The following MACROD2 variants were observed in gnomAD, a reference collection of about 807,000 sequenced individuals.
MACROD2 encodes ADP-ribose glycohydrolase MACROD2.
Under a neutral mutation model 70.4 loss-of-function variants are expected in MACROD2, and 36 were observed. That is an observed-to-expected ratio of 0.51 (90% CI 0.39 to 0.68). MACROD2 has a LOEUF of 0.68. Among genes scored for constraint, MACROD2 ranks in the 30% least tolerant of loss-of-function variants. The pLI, the probability that MACROD2 is intolerant of heterozygous loss-of-function variation, is 0.00. For missense variants in MACROD2, 496 were observed against 538.4 expected (o/e 0.92, Z 0.78); for synonymous variants, 172 against 178.8 (o/e 0.96, Z 0.30).
Position 15,174,046 on chromosome 20 carries a change from A to G in MACROD2, c.419-55894A>G, listed in dbSNP as rs2145892036. On this transcript the variant is annotated intron_variant, in intron 5 of 17. Coordinates refer to ENST00000684519, the MANE Select transcript of MACROD2 (RefSeq NM_001351661.2). ...CAGCATAATTTATCACTGAAAACTT[A>G]CTTCATTGCTAAAGCCCAAACATAT... Among the ~76,000 whole-genome samples the G allele has an allele frequency of 1.3e-5, 2 of 152,342 alleles. 1 individual carries two copies. The highest frequency in any genetic ancestry group is 4.1e-4 in the South Asian group (2 of 4,832).
At chr20:15,782,191 GAGAC>G (rs1280353677) in intron 8 of MACROD2, among the ~76,000 whole-genome samples, 1 of 152,066 alleles carries the variant, frequency 6.6e-6, no homozygotes, top group Non-Finnish European at 1.5e-5. Flanking sequence ...AAGATTAAAT[GAGAC>G]AGGACATAGA....
intron 3 of MACROD2, among the ~76,000 whole-genome samples, chr20:14,369,076 A>T (rs956280562): frequency 1.3e-5 from 2 of 151,522 alleles, no homozygotes; most frequent in Non-Finnish European, 2.9e-5. Flanking sequence ...TCCCAAGGAA[A>T]CTCTTTAGTT....
chr20:15,759,767 C>A (rs2051407461), intron 8 of MACROD2, among the ~76,000 whole-genome samples: 1 of 152,174 alleles, frequency 6.6e-6, no homozygotes, highest in East Asian at 1.9e-4. Flanking sequence ...GTTTTAATAA[C>A]TGTTTTATGT....
intron 6 of MACROD2, among the ~76,000 whole-genome samples, chr20:15,317,532 T>C (rs2077826363): frequency 6.6e-6 from 1 of 151,846 alleles, no homozygotes; most frequent in South Asian, 2.1e-4. Flanking sequence ...TATCTGTCTA[T>C]CTATCTCTAT....
intron 8 of MACROD2, among the ~76,000 whole-genome samples, chr20:15,574,601 A>C (rs1168146214): frequency 6.6e-6 from 1 of 152,070 alleles, no homozygotes; most frequent in Non-Finnish European, 1.5e-5. Context: ...TCCTGGTTTA[A>C]ATTTCTATCA....
At chr20:15,096,106 T>C (rs1489435998) in intron 5 of MACROD2, among the ~76,000 whole-genome samples, 1 of 152,058 alleles carries the variant, frequency 6.6e-6, no homozygotes, top group Non-Finnish European at 1.5e-5. Context: ...ACCGTGAAGG[T>C]AGATACAATT....
intron 4 of MACROD2, among the ~76,000 whole-genome samples, chr20:14,518,987 C>T (rs377191000): frequency 3.9e-5 from 6 of 151,958 alleles, no homozygotes; most frequent in East Asian, 1.9e-4. Flanking sequence ...TATGTGGTGG[C>T]GAAAAAGTTA....
At chr20:15,840,681 A>C (rs1410366747) in intron 8 of MACROD2, among the ~76,000 whole-genome samples, 1 of 152,158 alleles carries the variant, frequency 6.6e-6, no homozygotes, top group Non-Finnish European at 1.5e-5. Context: ...GAATTCCATG[A>C]CTGAAGAAAT....
intron 7 of MACROD2, among the ~76,000 whole-genome samples, chr20:15,448,653 G>T (rs1041163690): frequency 1.3e-5 from 2 of 151,994 alleles, no homozygotes; most frequent in African/African-American, 4.8e-5. Context: ...AGTCACTTTT[G>T]GGCTTGTCCT....
chr20:14,809,330 G>A (rs913712238), intron 5 of MACROD2, among the ~76,000 whole-genome samples: 3 of 152,088 alleles, frequency 2.0e-5, no homozygotes, highest in African/African-American at 7.2e-5. Flanking sequence ...GCTTCTGAAT[G>A]ACTACTGGGT....
chr20:15,599,714 A>AT (rs950742618), intron 8 of MACROD2, among the ~76,000 whole-genome samples: 15 of 152,304 alleles, frequency 9.8e-5, no homozygotes, highest in African/African-American at 3.1e-4. Flanking sequence ...TATATTTTAA[A>AT]TTTTTTGCTG....
intron 4 of MACROD2, among the ~76,000 whole-genome samples, chr20:14,520,238 A>C (rs2085151216): frequency 6.6e-6 from 1 of 152,144 alleles, no homozygotes; most frequent in African/African-American, 2.4e-5. Context: ...AAGTGCACAA[A>C]CTAGAGGCTT....
intron 2 of MACROD2, among the ~76,000 whole-genome samples, chr20:14,011,296 GTGTTTATCT>G (rs2052901970): frequency 6.6e-6 from 1 of 152,112 alleles, no homozygotes; most frequent in Admixed American, 6.5e-5. Context: ...CTGGCAGCTG[GTGTTTATCT>G]TTTTCCTTCA....
intron 5 of MACROD2, among the ~76,000 whole-genome samples, chr20:14,994,708 T>C (rs1490444401): frequency 6.6e-6 from 1 of 152,256 alleles, no homozygotes; most frequent in Non-Finnish European, 1.5e-5. Context: ...CTGATCTATG[T>C]ACTACTGTTC....
chr20:14,855,278 A>G (rs1037999107), intron 5 of MACROD2, among the ~76,000 whole-genome samples: 1 of 152,174 alleles, frequency 6.6e-6, no homozygotes, highest in Non-Finnish European at 1.5e-5. Flanking sequence ...AATCTTAAAT[A>G]CTTTGGAACT....
At chr20:14,850,264 A>G (rs2073186088) in intron 5 of MACROD2, 1 of 182,192 alleles carries the variant, frequency 5.5e-6, no homozygotes, top group African/African-American at 2.4e-5. Flanking sequence ...CAACAATTCT[A>G]AAACCCAGCC....
chr20:15,969,646 G>T (rs957159), intron 13 of MACROD2, among the ~76,000 whole-genome samples: 1 of 151,986 alleles, frequency 6.6e-6, no homozygotes, highest in Non-Finnish European at 1.5e-5. Context: ...CAAAATTACA[G>T]ATAGTAGGGG....
intron 5 of MACROD2, among the ~76,000 whole-genome samples, chr20:15,165,474 C>A (rs138183088): frequency 4.3e-4 from 66 of 152,224 alleles, no homozygotes; most frequent in African/African-American, 1.5e-3. Flanking sequence ...CAACTAGACA[C>A]AAATAAATTC....
chr20:15,310,967 T>G (rs2077746210), intron 6 of MACROD2, among the ~76,000 whole-genome samples: 1 of 152,226 alleles, frequency 6.6e-6, no homozygotes, highest in Admixed American at 6.5e-5. Flanking sequence ...TGGTCGGCAT[T>G]GTTTCACTTT....
Sources: gnomAD v4.1 joint callset for allele counts (sites outside exome capture counted in the v4.1 genomes callset) on GRCh38, gnomAD v4.1.1 for gene constraint, MANE v1.5 for transcripts, NCBI Gene and HGNC (gene_info 2026-07-23, HGNC 2026-07-21) for gene names.